Variants in TRPM7 observed in about 807,000 individuals in gnomAD.
TRPM7 encodes the protein LTRPC ion channel family member 7.
In TRPM7, 134 loss-of-function variants were observed where a neutral mutation model predicts 229.7. The observed-to-expected ratio is 0.58, with a 90% CI of 0.51 to 0.67. TRPM7 has a LOEUF of 0.67. TRPM7 is among the 30% of genes least tolerant of loss of function. TRPM7 has a pLI of 0.00. For synonymous variants in TRPM7, 699 were observed against 715.2 expected, an observed-to-expected ratio of 0.98 and a Z score of 0.36; for missense variants, 1,901 against 2,210.0, an observed-to-expected ratio of 0.86 and a Z score of 2.80.
chr15:50,573,644 G>C (rs569652570), intron 36 of TRPM7, among the ~76,000 whole-genome samples: 2 of 152,334 alleles, frequency 1.3e-5, no homozygotes, highest in African/African-American at 4.8e-5. Context: ...AGGAACAATA[G>C]AGGTATTTGT....
intron 12 of TRPM7, 43 bp from the exon 13 acceptor site, chr15:50,619,841 A>G (rs758304964): frequency 3.3e-6 from 5 of 1,494,994 alleles, no homozygotes; most frequent in Admixed American, 3.9e-5. Context: ...TTTTTCTTCT[A>G]AACTAATTTA....
At chr15:50,680,722 TA>T (rs35888069) in intron 1 of TRPM7, among the ~76,000 whole-genome samples, 1 of 152,012 alleles carries the variant, frequency 6.6e-6, no homozygotes, top group African/African-American at 2.4e-5. Flanking sequence ...ATAACTTTTT[TA>T]AAAAAAACCT....
At position 50,686,616 on chromosome 15, in the gene TRPM7, C is replaced by G; in HGVS notation, c.-83G>C. ...CCTGTAGCCATCTATCGGGAAGCGTCTCCGGAGGCGGCAGCAGAGGCCGCC... is the reference window on the plus strand; with the variant it reads ...CCTGTAGCCATCTATCGGGAAGCGTGTCCGGAGGCGGCAGCAGAGGCCGCC... On this transcript the variant is annotated 5_prime_UTR_variant, in exon 1 of 39. Coordinates refer to ENST00000646667, the MANE Select transcript of TRPM7 (RefSeq NM_017672.6). 6.4e-7 allele frequency: 1 copy of G among 1,568,368 alleles called. No homozygotes were observed. Among genetic ancestry groups the G allele is most frequent in the Non-Finnish European group, 8.6e-7 (1 of 1,157,660 alleles).
chr15:50,677,422 C>T (rs563516401), intron 1 of TRPM7, among the ~76,000 whole-genome samples: 2 of 152,132 alleles, frequency 1.3e-5, no homozygotes, highest in African/African-American at 4.8e-5. Flanking sequence ...CAACAACACA[C>T]ACACACACAG....
chr15:50,656,500 T>C (rs1001204387), intron 3 of TRPM7, among the ~76,000 whole-genome samples: 1 of 99,994 alleles, frequency 1.0e-5, no homozygotes, highest in African/African-American at 3.5e-5. Context: ...TGTGGTTTTC[T>C]TTTTTTTTTT....
chr15:50,614,351 A>C, intron 13 of TRPM7, 88 bp from the exon 14 acceptor site: 1 of 1,205,864 alleles, frequency 8.3e-7, no homozygotes, highest in African/African-American at 1.5e-5. Context: ...ACTCTCCAAA[A>C]TGACAAATGT....
At chr15:50,636,953 C>A (rs1481182690) in intron 7 of TRPM7, among the ~76,000 whole-genome samples, 1 of 151,900 alleles carries the variant, frequency 6.6e-6, no homozygotes, top group African/African-American at 2.4e-5. Flanking sequence ...CATGGTGAAA[C>A]CCTGTCTCTA....
In TRPM7 at chr15:50,574,331, A is replaced by G; in HGVS notation, c.5251T>C (p.Phe1751Leu). ...TNTLEEIMLA[F>L]SHWTYEYTRG... ...GTATATTCGTAAGTCCAGTGGCTAA[A>G]GGCTAGCATGATCTCTTCCAGAGTA... The change falls in exon 36 of 39, where the codon TTT (phenylalanine) becomes CTT (leucine). Residue 1751 changes from phenylalanine (F) to leucine (L), a missense_variant. Transcript: ENST00000646667. 1 of 1,614,070 alleles carries G rather than the reference A, an allele frequency of 6.2e-7. No individual in the cohort carries two copies. The highest frequency in any genetic ancestry group is 1.1e-5 in the South Asian group (1 of 91,082).
At chr15:50,585,352 C>A (rs947983019) in intron 28 of TRPM7, among the ~76,000 whole-genome samples, 10 of 152,240 alleles carry the variant, frequency 6.6e-5, no homozygotes, top group African/African-American at 2.4e-4. Flanking sequence ...CGTAAGCCAC[C>A]TGGCCCACTC....
chr15:50,586,947 C>G (rs1270341686), intron 27 of TRPM7, among the ~76,000 whole-genome samples: 1 of 152,090 alleles, frequency 6.6e-6, no homozygotes, highest in Non-Finnish European at 1.5e-5. Context: ...ACCCGGGAGG[C>G]GTAGGGTGCA....
chr15:50,568,041 T>C lies in TRPM7; in HGVS notation c.5467+1846A>G, dbSNP rs577509530. The stretch of plus-strand genomic sequence containing the variant: ...TTGCAGTGAGCGGAGACCACACCAC[T>C]GCACTCTAGCCTGGGCAACAGAGCG... On this transcript the variant is annotated intron_variant, in intron 38 of 38. Transcript: ENST00000646667. 4.9e-4 allele frequency among the ~76,000 whole-genome samples: 63 copies of C among 129,876 alleles called. No individual in the cohort carries two copies. The South Asian group carries it at 5.6e-3, about 12-fold the overall frequency. 85.2% of individuals were successfully genotyped at this position (129,876 alleles called of 152,430 possible). A position where few individuals can be genotyped will look rare whatever the true frequency, so the allele number is the denominator to read the frequency against.
chr15:50,570,839 A>T (rs1210883777), intron 36 of TRPM7, among the ~76,000 whole-genome samples: 1 of 150,832 alleles, frequency 6.6e-6, no homozygotes, highest in African/African-American at 2.5e-5. Flanking sequence ...TGGGCAACAG[A>T]GTGAAATTCG....
chr15:50,589,408 TTTC>T (rs1227269238), intron 27 of TRPM7, among the ~76,000 whole-genome samples, 181 bp downstream of exon 27: 2 of 152,144 alleles, frequency 1.3e-5, no homozygotes, highest in East Asian at 1.9e-4. Context: ...GTTTGTACCT[TTTC>T]ATGTTCCTCA....
At chr15:50,628,124 T>C in intron 11 of TRPM7, 25 bp downstream of exon 11, 1 of 1,468,922 alleles carries the variant, frequency 6.8e-7, no homozygotes, top group Non-Finnish European at 9.4e-7. Context: ...TTTAATTGTA[T>C]TGTGTATGTA....
chr15:50,614,124 C>T lies in TRPM7; in HGVS notation c.1634G>A (p.Arg545Gln), dbSNP rs552343920. The change falls in exon 14 of 39, where the codon CGG becomes CAG. Residue 545 changes from arginine (R) to glutamine (Q), a missense_variant and splice_region_variant. By Grantham distance (43) the Arg-to-Gln change is conservative. Around this residue, in one of 8 missense-constraint regions of TRPM7, gnomAD observed 794 missense variants for 881.9 expected, o/e 0.90. Coordinates refer to ENST00000646667, the MANE Select transcript of TRPM7 (RefSeq NM_017672.6). ...GATTTCCCCACAAATTTTACATACCCGATTATTTCCACCAAGACTATTATA... is the reference window on the plus strand; with the variant it reads ...GATTTCCCCACAAATTTTACATACCTGATTATTTCCACCAAGACTATTATA... ...LIYNSLGGNNRRSGRNTSSST... is the reference protein window; with the variant it reads ...LIYNSLGGNNQRSGRNTSSST... 50 of 1,592,956 alleles carry T rather than the reference C, an allele frequency of 3.1e-5. No homozygotes were observed. The highest frequency in any genetic ancestry group is 1.9e-4 in the African/African-American group (14 of 73,304).
chr15:50,625,180 T>G (rs1385744507), intron 11 of TRPM7, among the ~76,000 whole-genome samples: 3 of 152,234 alleles, frequency 2.0e-5, no homozygotes, highest in Non-Finnish European at 4.4e-5. Context: ...TTTAATATTT[T>G]GTATATTTCT....
intron 2 of TRPM7, among the ~76,000 whole-genome samples, chr15:50,659,905 T>C (rs924421454): frequency 6.6e-6 from 1 of 152,164 alleles, no homozygotes; most frequent in Non-Finnish European, 1.5e-5. Context: ...TGACCTCAGG[T>C]GATCCACCTA....
chr15:50,609,460 T>C (rs1488322783), intron 19 of TRPM7, 121 bp downstream of exon 19: 1 of 980,364 alleles, frequency 1.0e-6, no homozygotes, highest in Non-Finnish European at 1.4e-6. Context: ...TATCACTCTT[T>C]TAAATGTGAA....
intron 26 of TRPM7, among the ~76,000 whole-genome samples, chr15:50,590,840 A>AGG (rs201796794): frequency 5.3e-4 from 77 of 146,662 alleles, no homozygotes; most frequent in East Asian, 2.7e-3. Flanking sequence ...AAAAAAAAAA[A>AGG]AGGGGGAATA....
Sources: gnomAD v4.1 joint callset for allele counts (sites outside exome capture counted in the v4.1 genomes callset) on GRCh38, gnomAD v4.1.1 for gene constraint, gnomAD v4.1.1 regional missense constraint, MANE v1.5 for transcripts, NCBI Gene and HGNC (gene_info 2026-07-23, HGNC 2026-07-21) for gene names.